Variants in EPHB1 observed in about 807,000 individuals in gnomAD.
EPHB1 encodes ephrin type-B receptor 1.
In EPHB1, 30 loss-of-function variants were observed where a neutral mutation model predicts 94.4. That is an observed-to-expected ratio of 0.32 (90% confidence interval 0.24 to 0.43). EPHB1 has a LOEUF of 0.43. EPHB1 is among the 20% of genes least tolerant of loss of function. EPHB1 has a pLI of 1.00. For missense variants in EPHB1, 1,055 were observed against 1,308.3 expected, an observed-to-expected ratio of 0.81 and a Z score of 2.99; for synonymous variants, 522 against 489.1, an observed-to-expected ratio of 1.07 and a Z score of -0.89.
At position 134,921,568 on chromosome 3, in the gene EPHB1, C is replaced by T. The variant is rs576122855; in HGVS notation, c.59-4248C>T. ...TCAATTTATATGCATTGTTGTATCC[C>T]CAACATGTGTTATTCCCTTGGTCTT... On this transcript the variant is annotated intron_variant, in intron 1 of 15. Transcript: ENST00000398015. Among the ~76,000 whole-genome samples, 3 of 152,244 alleles carry T rather than the reference C, an allele frequency of 2.0e-5. No homozygotes were observed. In the South Asian group the frequency reaches 6.2e-4, roughly 32 times the overall value.
chr3:134,963,511 G>A (rs1481723951), intron 3 of EPHB1, among the ~76,000 whole-genome samples: 1 of 152,130 alleles, frequency 6.6e-6, no homozygotes, highest in Non-Finnish European at 1.5e-5. Flanking sequence ...CTAATACAGT[G>A]TGGCTGTCAT....
chr3:135,210,966 A>G (rs1943019434), intron 12 of EPHB1, among the ~76,000 whole-genome samples: 1 of 152,182 alleles, frequency 6.6e-6, no homozygotes, highest in South Asian at 2.1e-4. Context: ...ACGCGGTGGT[A>G]TTGCATCCCT....
intron 3 of EPHB1, among the ~76,000 whole-genome samples, chr3:135,056,526 C>G (rs572484801): frequency 2.0e-5 from 3 of 152,378 alleles, no homozygotes; most frequent in African/African-American, 7.2e-5. Context: ...AGGGCCAGCA[C>G]TGGCATGGAG....
At chr3:135,101,113 A>G (rs1234739266) in intron 3 of EPHB1, among the ~76,000 whole-genome samples, 1 of 152,168 alleles carries the variant, frequency 6.6e-6, no homozygotes, top group African/African-American at 2.4e-5. Context: ...CAGCCCTCCA[A>G]GTTACCTTGT....
intron 3 of EPHB1, among the ~76,000 whole-genome samples, chr3:134,973,610 T>C (rs1934070009): frequency 6.6e-6 from 1 of 151,954 alleles, no homozygotes; most frequent in South Asian, 2.1e-4. Context: ...TTTTGTATTT[T>C]TGGTAGAGAC....
At position 135,029,692 on chromosome 3, in the gene EPHB1, C is replaced by A. The variant is rs1214536121; in HGVS notation, c.806-76756C>A. Among the ~76,000 whole-genome samples the A allele has an allele frequency of 4.8e-3, 728 of 150,870 alleles. 4 individuals are homozygous for A. Among genetic ancestry groups the A allele is most frequent in the African/African-American group, 0.017 (684 of 41,240 alleles). ...CATTTCAACTTTGGTGAATCTGACA[C>A]TTATGTGTCTTGGAGTTGCTCTTCT... On this transcript the variant is annotated intron_variant, in intron 3 of 15. Coordinates refer to ENST00000398015, the MANE Select transcript of EPHB1 (RefSeq NM_004441.5).
At chr3:134,917,197 C>G (rs1367072832) in intron 1 of EPHB1, among the ~76,000 whole-genome samples, 1 of 152,144 alleles carries the variant, frequency 6.6e-6, no homozygotes, top group African/African-American at 2.4e-5. Flanking sequence ...AGATACCACC[C>G]TAAGAACTAA....
At chr3:134,900,389 G>C (rs1320119089) in intron 1 of EPHB1, among the ~76,000 whole-genome samples, 1 of 152,114 alleles carries the variant, frequency 6.6e-6, no homozygotes, top group Non-Finnish European at 1.5e-5. Flanking sequence ...AAAGGATTTG[G>C]AACCAGGAAT....
At chr3:134,861,333 CAG>C (rs1314833379) in intron 1 of EPHB1, among the ~76,000 whole-genome samples, 1 of 152,146 alleles carries the variant, frequency 6.6e-6, no homozygotes, top group African/African-American at 2.4e-5. Flanking sequence ...CAACCAGGGA[CAG>C]AGAGAGCAAT....
intron 3 of EPHB1, among the ~76,000 whole-genome samples, chr3:134,952,825 A>T (rs941630915): frequency 6.6e-6 from 1 of 152,210 alleles, no homozygotes; most frequent in Non-Finnish European, 1.5e-5. Context: ...AAATGTGCTG[A>T]ACTGGCTGCA....
intron 3 of EPHB1, among the ~76,000 whole-genome samples, chr3:134,952,714 G>A (rs1262681617): frequency 6.6e-6 from 1 of 152,184 alleles, no homozygotes; most frequent in Non-Finnish European, 1.5e-5. Flanking sequence ...ATGACACAGA[G>A]TAGTGCAAAC....
At chr3:135,023,715 G>A (rs897378504) in intron 3 of EPHB1, among the ~76,000 whole-genome samples, 1 of 152,098 alleles carries the variant, frequency 6.6e-6, no homozygotes, top group Non-Finnish European at 1.5e-5. Context: ...ATCCCTGAAG[G>A]TTCTAGGACT....
At position 135,259,124 on chromosome 3, in the gene EPHB1, C is replaced by T. The variant is rs1325947088; in HGVS notation, c.*4C>T. Reference sequence around the variant, plus strand: ...GTCACCAACGGCAATGGCATGAGAACTCTTGTTTCTTGGGGAAGGAGAGGA... The same window carrying T: ...GTCACCAACGGCAATGGCATGAGAATTCTTGTTTCTTGGGGAAGGAGAGGA... On this transcript the variant is annotated 3_prime_UTR_variant, in exon 16 of 16. Transcript: ENST00000398015. 3 of 1,601,378 alleles carry T rather than the reference C, an allele frequency of 1.9e-6. No individual in the cohort carries two copies. Among genetic ancestry groups the T allele is most frequent in the South Asian group, 1.1e-5 (1 of 88,328 alleles).
At chr3:135,036,061 A>G (rs1936635749) in intron 3 of EPHB1, among the ~76,000 whole-genome samples, 1 of 152,280 alleles carries the variant, frequency 6.6e-6, no homozygotes, top group South Asian at 2.1e-4. Context: ...CTATTTCCAC[A>G]TACATCCACT....
At chr3:135,022,896 C>A (rs4955536) in intron 3 of EPHB1, among the ~76,000 whole-genome samples, 38,637 of 152,112 alleles carry the variant, frequency 0.25, 6,395 homozygotes, top group East Asian at 0.71. Context: ...TTTCTAAAAT[C>A]ATATGTTATA....
chr3:135,241,002 G>A, intron 12 of EPHB1, 146 bp from the exon 13 acceptor site: 2 of 962,020 alleles, frequency 2.1e-6, no homozygotes, highest in African/African-American at 1.6e-5. Flanking sequence ...AACATAGCTT[G>A]TGCACGAAGC....
chr3:135,229,692 A>G (rs1943487862), intron 12 of EPHB1, among the ~76,000 whole-genome samples: 1 of 152,202 alleles, frequency 6.6e-6, no homozygotes, highest in African/African-American at 2.4e-5. Flanking sequence ...AGCAGGGGCC[A>G]GTCTCCATCT....
At chr3:135,095,921 C>G (rs1266142952) in intron 3 of EPHB1, among the ~76,000 whole-genome samples, 1 of 152,176 alleles carries the variant, frequency 6.6e-6, no homozygotes, top group Non-Finnish European at 1.5e-5. Flanking sequence ...TGGGTTAGGT[C>G]CCTACTGTGG....
At chr3:134,918,272 A>G (rs2038612257) in intron 1 of EPHB1, among the ~76,000 whole-genome samples, 1 of 152,190 alleles carries the variant, frequency 6.6e-6, no homozygotes, top group African/African-American at 2.4e-5. Context: ...GGCAAGAGGA[A>G]CAGCATGAGC....
Sources: allele counts gnomAD v4.1 joint callset (sites outside exome capture counted in the v4.1 genomes callset), GRCh38; gene constraint gnomAD v4.1.1; transcripts MANE v1.5; gene names NCBI Gene and HGNC (gene_info 2026-07-23, HGNC 2026-07-21).